Variants in TANGO6 observed in about 807,000 individuals in gnomAD.
TANGO6 encodes the protein transport and golgi organization 6 homolog.
TANGO6 carries 90 observed loss-of-function variants against 114.2 expected under a neutral mutation model. That is an observed-to-expected ratio of 0.79 (90% confidence interval 0.66 to 0.94). The LOEUF (loss-of-function observed/expected upper bound fraction) is 0.94. Ranked by LOEUF, TANGO6 falls within the 40% of genes least tolerant of loss-of-function variation. The pLI is 0.00. For synonymous variants in TANGO6, 477 were observed against 509.8 expected (o/e 0.94, Z 0.87); for missense variants, 1,274 against 1,315.3 (o/e 0.97, Z 0.49).
intron 17 of TANGO6, among the ~76,000 whole-genome samples, chr16:69,046,986 G>T (rs1959869836): frequency 6.6e-6 from 1 of 151,800 alleles, no homozygotes; most frequent in Non-Finnish European, 1.5e-5. Flanking sequence ...TTCGAGACCA[G>T]CCTGACCAAC....
At chr16:68,894,718 T>C (rs1302431236) in intron 7 of TANGO6, among the ~76,000 whole-genome samples, 1 of 151,960 alleles carries the variant, frequency 6.6e-6, no homozygotes, top group Non-Finnish European at 1.5e-5. Context: ...GGATTTTTAA[T>C]ATTGTAGTAA....
intron 12 of TANGO6, among the ~76,000 whole-genome samples, chr16:68,926,297 C>A (rs1209201830): frequency 6.6e-6 from 1 of 151,926 alleles, no homozygotes; most frequent in African/African-American, 2.4e-5. Flanking sequence ...AGTTCAAGAC[C>A]AGCCTGGCCA....
At chr16:68,875,370 A>G (rs1962338081) in intron 5 of TANGO6, 80 bp downstream of exon 5, 1 of 1,488,088 alleles carries the variant, frequency 6.7e-7, no homozygotes, top group Admixed American at 2.0e-5. Flanking sequence ...TTCCTCTAGT[A>G]TTGAGATAAA....
chr16:69,010,748 G>T (rs1964135868), intron 15 of TANGO6, among the ~76,000 whole-genome samples: 1 of 152,068 alleles, frequency 6.6e-6, no homozygotes, highest in Admixed American at 6.6e-5. Flanking sequence ...TAGAAGTAAG[G>T]ACAAAATCTC....
intron 17 of TANGO6, among the ~76,000 whole-genome samples, chr16:69,048,078 T>TTTTTC (rs776242889): frequency 1.3e-4 from 20 of 151,822 alleles, no homozygotes; most frequent in Non-Finnish European, 2.5e-4. Context: ...TGGGAGTTTT[T>TTTTTC]TTTTCTTTTC....
chr16:68,889,299 G>A (rs1962580915), intron 7 of TANGO6, among the ~76,000 whole-genome samples: 2 of 152,172 alleles, frequency 1.3e-5, no homozygotes, highest in African/African-American at 4.8e-5. Context: ...TTCACTGTTG[G>A]AGTTGTATAG....
chr16:68,922,584 A>C (rs903065115), intron 12 of TANGO6, among the ~76,000 whole-genome samples: 1 of 152,052 alleles, frequency 6.6e-6, no homozygotes, highest in Non-Finnish European at 1.5e-5. Flanking sequence ...ACTGCTGACA[A>C]GATAACTGTA....
chr16:69,043,357 GAAGA>G (rs1416578965), intron 17 of TANGO6, among the ~76,000 whole-genome samples: 1 of 151,526 alleles, frequency 6.6e-6, no homozygotes, highest in African/African-American at 2.4e-5. Context: ...CAAAGTCAGA[GAAGA>G]AATAGAAACT....
chr16:69,059,417 G>C lies in TANGO6; in HGVS notation c.3108+18996G>C, dbSNP rs148061785. Among the ~76,000 whole-genome samples, 553 of 152,094 alleles carry C rather than the reference G, an allele frequency of 3.6e-3. 6 individuals are homozygous for C. Among genetic ancestry groups the C allele is most frequent in the African/African-American group, 0.012 (515 of 41,510 alleles). On this transcript the variant is annotated intron_variant, in intron 17 of 17. Coordinates refer to ENST00000261778, the MANE Select transcript of TANGO6 (RefSeq NM_024562.2). ...GAGGGGGTTTCACCATGTTGGCCAG[G>C]CTGGTCTCGAACTCCTGACCTTAGG...
intron 1 of TANGO6, among the ~76,000 whole-genome samples, chr16:68,854,054 C>G (rs1232027535): frequency 1.3e-5 from 2 of 151,960 alleles, no homozygotes; most frequent in East Asian, 3.8e-4. Context: ...ACATTTTCTC[C>G]CTATCTGTGG....
chr16:69,004,253 CACAT>C (rs1964070364), intron 15 of TANGO6, among the ~76,000 whole-genome samples: 1 of 152,022 alleles, frequency 6.6e-6, no homozygotes, highest in African/African-American at 2.4e-5. Flanking sequence ...TGTATGCACA[CACAT>C]AAAGATCCAA....
At chr16:68,918,576 A>T (rs970508427) in intron 11 of TANGO6, among the ~76,000 whole-genome samples, 5 of 152,248 alleles carry the variant, frequency 3.3e-5, no homozygotes, top group Non-Finnish European at 4.4e-5. Context: ...TGAAAAGTTA[A>T]GGAAGTTGGA....
intron 15 of TANGO6, among the ~76,000 whole-genome samples, chr16:69,015,706 C>A (rs905182595): frequency 6.6e-6 from 1 of 151,968 alleles, no homozygotes; most frequent in East Asian, 1.9e-4. Context: ...TGGTCTCGAT[C>A]TCCTGACCTC....
intron 1 of TANGO6, among the ~76,000 whole-genome samples, chr16:68,858,010 C>T (rs1049029048): frequency 3.3e-5 from 5 of 151,756 alleles, no homozygotes; most frequent in African/African-American, 1.2e-4. Context: ...GTTATTTCTT[C>T]CTTAAATGAT....
chr16:69,061,963 G>T (rs891797455), intron 17 of TANGO6, among the ~76,000 whole-genome samples: 1 of 151,964 alleles, frequency 6.6e-6, no homozygotes, highest in East Asian at 1.9e-4. Context: ...AGGTTGCAGC[G>T]AGCCGAGATC....
chr16:68,863,155 G>C, intron 3 of TANGO6, 94 bp downstream of exon 3: 2 of 712,858 alleles, frequency 2.8e-6, no homozygotes, highest in Non-Finnish European at 4.5e-6. Context: ...TTAGTTCCCT[G>C]TTTAATGATC....
chr16:68,979,377 G>A (rs546862799), intron 15 of TANGO6, among the ~76,000 whole-genome samples: 4 of 152,090 alleles, frequency 2.6e-5, no homozygotes, highest in Admixed American at 1.3e-4. Context: ...CTACAGGCGC[G>A]TGCCACTGCG....
chr16:69,037,151 A>G (rs1318381663), intron 16 of TANGO6, among the ~76,000 whole-genome samples: 1 of 151,814 alleles, frequency 6.6e-6, no homozygotes, highest in Non-Finnish European at 1.5e-5. Context: ...AAAAAAAAAA[A>G]AAAAAGAATT....
chr16:68,851,708 G>A (rs1464865685), intron 1 of TANGO6, among the ~76,000 whole-genome samples: 1 of 152,072 alleles, frequency 6.6e-6, no homozygotes. Context: ...TGGGCCAAAG[G>A]GAAATGCCTA....
Sources: gnomAD v4.1 joint callset for allele counts (sites outside exome capture counted in the v4.1 genomes callset) on GRCh38, gnomAD v4.1.1 for gene constraint, MANE v1.5 for transcripts, NCBI Gene and HGNC (gene_info 2026-07-23, HGNC 2026-07-21) for gene names.